CAMKMT: variants seen among roughly 807,000 people sequenced by gnomAD.
The protein encoded by CAMKMT is CaM KMT.
CAMKMT carries 53 observed loss-of-function variants against 48.0 expected under a neutral mutation model. The observed-to-expected ratio is 1.10, with a 90% CI of 0.89 to 1.39. The LOEUF is 1.39. CAMKMT is among the 40% of genes most tolerant of loss of function. The probability of loss-of-function intolerance (pLI) is 0.00; values close to 1 mark genes in which losing one functional copy is unlikely to be tolerated. For synonymous variants in CAMKMT, 165 were observed against 152.3 expected (o/e 1.08, Z -0.61); for missense variants, 428 against 402.7 (o/e 1.06, Z -0.54).
intron 3 of CAMKMT, among the ~76,000 whole-genome samples, chr2:44,645,650 G>T (rs1364282786): frequency 6.6e-6 from 1 of 152,034 alleles, no homozygotes; most frequent in African/African-American, 2.4e-5. Flanking sequence ...GTGAAACCCC[G>T]TCTCTACTAA....
rs368952105 is a variant in CAMKMT at position 44,649,158 on chromosome 2, G to T, written c.377-55125G>T. Reference sequence around the variant, plus strand: ...TGAACAGGTTTTTCCCTTCAGTGAGGGGGGGAAAATGGTTTGATAATTAAA... The same window carrying T: ...TGAACAGGTTTTTCCCTTCAGTGAGTGGGGGAAAATGGTTTGATAATTAAA... On this transcript the variant is annotated intron_variant, in intron 3 of 10. Coordinates refer to ENST00000378494, the MANE Select transcript of CAMKMT (RefSeq NM_024766.5). 5.3e-5 allele frequency among the ~76,000 whole-genome samples: 8 copies of T among 152,056 alleles called. No individual in the cohort carries two copies. In the South Asian group the frequency reaches 1.0e-3, roughly 20 times the overall value.
rs540679714 is a variant in CAMKMT at position 44,734,542 on chromosome 2, G to A, written c.624-9080G>A. Reference sequence around the variant, plus strand: ...CTATTCTCCTGCTCCAGCCTCCTGAGTGGCTGGGACTACAGGCATGCACCA... The same window carrying A: ...CTATTCTCCTGCTCCAGCCTCCTGAATGGCTGGGACTACAGGCATGCACCA... On this transcript the variant is annotated intron_variant, in intron 7 of 10. Transcript: ENST00000378494. Among the ~76,000 whole-genome samples the A allele has an allele frequency of 4.1e-4, 62 of 152,132 alleles. 2 individuals are homozygous for A. The South Asian group carries it at 0.012, about 29-fold the overall frequency.
At chr2:44,409,199 A>T (rs1683021074) in intron 3 of CAMKMT, among the ~76,000 whole-genome samples, 3 of 144,156 alleles carry the variant, frequency 2.1e-5, no homozygotes, top group African/African-American at 7.8e-5. Flanking sequence ...TGCTACATAA[A>T]GACAACTAGC....
At chr2:44,538,304 G>T (rs537964156) in intron 3 of CAMKMT, among the ~76,000 whole-genome samples, 14 of 151,390 alleles carry the variant, frequency 9.2e-5, no homozygotes, top group African/African-American at 3.1e-4. Flanking sequence ...GGAGGTGGAG[G>T]TTGCAGTGAG....
At chr2:44,445,426 C>T (rs911717204) in intron 3 of CAMKMT, among the ~76,000 whole-genome samples, 2 of 152,108 alleles carry the variant, frequency 1.3e-5, no homozygotes, top group Admixed American at 6.5e-5. Flanking sequence ...GTATCCCTTT[C>T]AAATGCATCC....
At chr2:44,404,742 A>G (rs1401435183) in intron 3 of CAMKMT, among the ~76,000 whole-genome samples, 2 of 151,760 alleles carry the variant, frequency 1.3e-5, no homozygotes, top group African/African-American at 2.4e-5. Flanking sequence ...GTTCCTTCTC[A>G]AGGTCTTTTT....
At chr2:44,574,794 G>T (rs1287927609) in intron 3 of CAMKMT, among the ~76,000 whole-genome samples, 1 of 152,152 alleles carries the variant, frequency 6.6e-6, no homozygotes, top group African/African-American at 2.4e-5. Flanking sequence ...AGGCTAGAGT[G>T]CAGTGGCGCG....
intron 10 of CAMKMT, among the ~76,000 whole-genome samples, chr2:44,771,786 G>C (rs918671798): frequency 1.3e-5 from 2 of 152,048 alleles, no homozygotes; most frequent in African/African-American, 4.8e-5. Context: ...AGTTTATAGA[G>C]GTCAAAGTGC....
rs151153741 is a variant in CAMKMT, at chr2:44,636,254, G to C, written c.377-68029G>C. Reference sequence around the variant, plus strand: ...GAAATCAGTGGTACAGGATAGCAGAGACATAAGGCAGATGAGATGCCAGGT... The same window carrying C: ...GAAATCAGTGGTACAGGATAGCAGACACATAAGGCAGATGAGATGCCAGGT... On this transcript the variant is annotated intron_variant, in intron 3 of 10. Transcript: ENST00000378494. Among the ~76,000 whole-genome samples, 8 of 152,328 alleles carry C rather than the reference G, an allele frequency of 5.3e-5. No homozygotes were observed. In the East Asian group the frequency reaches 1.3e-3, roughly 26 times the overall value.
intron 3 of CAMKMT, among the ~76,000 whole-genome samples, chr2:44,468,202 AT>A (rs1185083490): frequency 6.6e-6 from 1 of 152,200 alleles, no homozygotes; most frequent in African/African-American, 2.4e-5. Flanking sequence ...CTGAATAGAT[AT>A]TTTTCAGCAG....
chr2:44,402,115 T>A (rs1479932542), intron 3 of CAMKMT, among the ~76,000 whole-genome samples: 1 of 152,094 alleles, frequency 6.6e-6, no homozygotes. Context: ...TCACCTGAGG[T>A]TGGGCGTTCG....
At chr2:44,706,002 C>G (rs1677536055) in intron 4 of CAMKMT, among the ~76,000 whole-genome samples, 2 of 151,990 alleles carry the variant, frequency 1.3e-5, no homozygotes, top group Admixed American at 1.3e-4. Flanking sequence ...GCGCCATTGA[C>G]AAGGGAAAAA....
At chr2:44,408,304 G>A (rs552427387) in intron 3 of CAMKMT, among the ~76,000 whole-genome samples, 24 of 152,012 alleles carry the variant, frequency 1.6e-4, no homozygotes, top group African/African-American at 4.6e-4. Context: ...GATTACAGGC[G>A]TGAGCCACCG....
At position 44,372,755 on chromosome 2, in the gene CAMKMT, G is replaced by A. The variant is rs201610490; in HGVS notation, c.178G>A (p.Val60Ile). 464 of 1,613,536 alleles carry A rather than the reference G, an allele frequency of 2.9e-4. 1 individual carries two copies. Among genetic ancestry groups the A allele is most frequent in the East Asian group, 1.3e-3 (60 of 44,824 alleles). ...ACACCTGGATGATTGCCTGCGACAT[G>A]TATCTGTAAGAAGATTTGAATCATT... ...QKHLDDCLRH[V>I]SVRRFESFNL... The change falls in exon 2 of 11, where the codon GTA becomes ATA. Residue 60 changes from valine to isoleucine, a missense_variant. Val to Ile is a conservative substitution (Grantham distance 29). Coordinates refer to ENST00000378494, the MANE Select transcript of CAMKMT (RefSeq NM_024766.5).
In CAMKMT at chr2:44,561,295, A is replaced by G. The variant is rs149220251; in HGVS notation, c.377-142988A>G. Among the ~76,000 whole-genome samples, 1,029 of 152,288 alleles carry G rather than the reference A, an allele frequency of 6.8e-3. 4 individuals are homozygous for G. Among genetic ancestry groups the G allele is most frequent in the South Asian group, 0.019 (94 of 4,822 alleles). On this transcript the variant is annotated intron_variant, in intron 3 of 10. Coordinates refer to ENST00000378494, the MANE Select transcript of CAMKMT (RefSeq NM_024766.5). The stretch of plus-strand genomic sequence containing the variant: ...TTGTATCTAGACTTAGAAATAGATT[A>G]TCTGAATTCTCCATCTAGCTGGTGG...
chr2:44,609,592 G>C (rs1671486836), intron 3 of CAMKMT, among the ~76,000 whole-genome samples: 1 of 152,190 alleles, frequency 6.6e-6, no homozygotes, highest in African/African-American at 2.4e-5. Context: ...GTCTTCAAAA[G>C]TGACTCCTAA....
At position 44,768,342 on chromosome 2, in the gene CAMKMT, GAT is replaced by G. The variant is rs35422115; in HGVS notation, c.894+1800_894+1801del. Among the ~76,000 whole-genome samples, 457 of 111,444 alleles carry G rather than the reference GAT, an allele frequency of 4.1e-3. 5 individuals are homozygous for G. The highest frequency in any genetic ancestry group is 0.015 in the African/African-American group (404 of 27,318). The allele number at this position is 111,444 out of a possible 152,430, so 73.1% of individuals were successfully genotyped here. ...ATAAAAGGTATAAACGGGCGCCCAT[GAT>G]ATATATATATATATATATTTTTTTT... On this transcript the variant is annotated intron_variant, in intron 10 of 10. Transcript: ENST00000378494.
intron 3 of CAMKMT, among the ~76,000 whole-genome samples, chr2:44,494,802 A>C (rs975979781): frequency 8.5e-5 from 13 of 152,216 alleles, no homozygotes; most frequent in Non-Finnish European, 1.3e-4. Flanking sequence ...AAACATCCCC[A>C]GGAAGCTTTC....
chr2:44,376,393 C>G (rs1679696156), intron 2 of CAMKMT, among the ~76,000 whole-genome samples: 1 of 150,446 alleles, frequency 6.6e-6, no homozygotes, highest in South Asian at 2.1e-4. Context: ...TGAACTCCAG[C>G]CTGGTGACGA....
Sources: allele counts gnomAD v4.1 joint callset (sites outside exome capture counted in the v4.1 genomes callset), GRCh38; gene constraint gnomAD v4.1.1; transcripts MANE v1.5; gene names NCBI Gene and HGNC (gene_info 2026-07-23, HGNC 2026-07-21).